Variants in THNSL1 observed in about 807,000 individuals in gnomAD.
The protein encoded by THNSL1 is threonine synthase like 1.
Under a neutral mutation model 50.4 loss-of-function variants are expected in THNSL1, and 48 were observed. The observed-to-expected ratio is 0.95, with a 90% CI of 0.76 to 1.21. THNSL1 has a LOEUF of 1.21. Among genes scored for constraint, THNSL1 ranks in the 50% most tolerant of loss-of-function variants. The pLI is 0.00. For missense variants in THNSL1, 896 were observed against 871.7 expected (o/e 1.03, Z -0.35); for synonymous variants, 309 against 306.1 (o/e 1.01, Z -0.10).
At chr10:24,966,397 AC>A in the THNSL1 span, among the ~76,000 whole-genome samples, 2 of 152,116 alleles carry the variant, frequency 1.3e-5, no homozygotes, top group African/African-American at 4.8e-5. Context: ...AGACCACAAC[AC>A]CCTCTTGCTT....
chr10:25,004,860 C>A, the THNSL1 span, among the ~76,000 whole-genome samples: 1 of 152,130 alleles, frequency 6.6e-6, no homozygotes, highest in Non-Finnish European at 1.5e-5. Flanking sequence ...AATGGTATTG[C>A]CTAGGTTGTC....
chr10:25,012,004 T>C (rs1358621245), upstream of THNSL1, among the ~76,000 whole-genome samples: 1 of 152,206 alleles, frequency 6.6e-6, no homozygotes. Context: ...CTTGCTGCTT[T>C]GTGCAATCTT....
chr10:25,014,555 T>C (rs1006753002), upstream of THNSL1, among the ~76,000 whole-genome samples: 8 of 152,158 alleles, frequency 5.3e-5, no homozygotes, highest in Middle Eastern at 6.3e-3. Context: ...GTAAAGCTTT[T>C]TAATTTGCCA....
the THNSL1 span, among the ~76,000 whole-genome samples, chr10:24,955,684 C>T: frequency 1.3e-5 from 2 of 152,154 alleles, no homozygotes; most frequent in African/African-American, 2.4e-5. Context: ...ATGGCTCACA[C>T]CTGTAATACC....
the THNSL1 span, among the ~76,000 whole-genome samples, chr10:25,009,406 T>C: frequency 6.6e-6 from 1 of 152,266 alleles, no homozygotes; most frequent in African/African-American, 2.4e-5. Context: ...TGAAAATCAA[T>C]TAAAAAATAA....
chr10:24,972,522 A>AATAAT, the THNSL1 span, among the ~76,000 whole-genome samples: 1,708 of 150,122 alleles, frequency 0.011, 21 homozygotes, highest in African/African-American at 0.029. Context: ...AAAAAAAAAT[A>AATAAT]AATAATAATA....
the THNSL1 span, among the ~76,000 whole-genome samples, chr10:24,990,035 G>A: frequency 6.6e-5 from 10 of 152,058 alleles, no homozygotes; most frequent in Admixed American, 3.3e-4. Flanking sequence ...TGCCTTATAG[G>A]AAAGGAAAAA....
intron 1 of THNSL1, among the ~76,000 whole-genome samples, chr10:25,019,608 A>T (rs1850677992): frequency 6.6e-6 from 1 of 152,264 alleles, no homozygotes; most frequent in African/African-American, 2.4e-5. Context: ...TAAGGTATAC[A>T]GGAGGATGTG....
chr10:24,999,160 G>C, the THNSL1 span, among the ~76,000 whole-genome samples: 1 of 152,180 alleles, frequency 6.6e-6, no homozygotes, highest in East Asian at 1.9e-4. Flanking sequence ...AGATGGTGAT[G>C]CATGTGGGCT....
chr10:24,990,372 G>A, the THNSL1 span: 5 of 1,471,244 alleles, frequency 3.4e-6, no homozygotes, highest in Non-Finnish European at 4.6e-6. Context: ...CAAAATCCAA[G>A]TGCTGACTTT....
upstream of THNSL1, chr10:25,016,049 G>A: frequency 2.7e-6 from 4 of 1,457,244 alleles, no homozygotes; most frequent in Non-Finnish European, 3.6e-6. Context: ...CCTTCTGAAG[G>A]ACCACAGGTT....
chr10:25,009,400 A>T, the THNSL1 span, among the ~76,000 whole-genome samples: 1 of 152,354 alleles, frequency 6.6e-6, no homozygotes, highest in East Asian at 1.9e-4. Flanking sequence ...CACAAATGAA[A>T]ATCAATTAAA....
At chr10:25,012,927 T>C (rs1415288872), upstream of THNSL1, among the ~76,000 whole-genome samples, 1 of 152,118 alleles carries the variant, frequency 6.6e-6, no homozygotes, top group African/African-American at 2.4e-5. Flanking sequence ...TCACATTAAA[T>C]TGATGAGATC....
chr10:24,971,548 C>G, the THNSL1 span, among the ~76,000 whole-genome samples: 1 of 152,218 alleles, frequency 6.6e-6, no homozygotes, highest in Non-Finnish European at 1.5e-5. Context: ...ACAAATGTGA[C>G]ATACCACTGT....
chr10:25,013,217 T>G (rs1383896133), upstream of THNSL1, among the ~76,000 whole-genome samples: 1 of 152,252 alleles, frequency 6.6e-6, no homozygotes, highest in Admixed American at 6.5e-5. Flanking sequence ...GTCTCGAGTA[T>G]GTCTTTATTA....
chr10:25,019,301 C>T (rs896206124), intron 1 of THNSL1, among the ~76,000 whole-genome samples: 2 of 152,128 alleles, frequency 1.3e-5, no homozygotes, highest in African/African-American at 4.8e-5. Flanking sequence ...TGGCGAAACC[C>T]CCTCTCTACT....
chr10:24,952,880 GC>G, the THNSL1 span, among the ~76,000 whole-genome samples: 5 of 151,836 alleles, frequency 3.3e-5, no homozygotes, highest in African/African-American at 7.2e-5. The surrounding 1 kb of genome is among the most constrained non-coding windows in gnomAD (Gnocchi z 5.1). Context: ...TGTCGCCGCC[GC>G]CCCCTGCCGG....
chr10:24,974,753 CTTAGAAAAAACAGACTT>C, the THNSL1 span, among the ~76,000 whole-genome samples: 5,567 of 152,148 alleles, frequency 0.037, 137 homozygotes, highest in Non-Finnish European at 0.058. Context: ...ATAAAATATT[CTTAGAAAAAACAGACTT>C]TCAGGATTTA....
the THNSL1 span, among the ~76,000 whole-genome samples, chr10:24,988,688 A>G: frequency 0.012 from 363 of 29,146 alleles, 21 homozygotes; most frequent in African/African-American, 0.065. Flanking sequence ...ATATATATAT[A>G]TATATATATA....
Sources: gnomAD v4.1 joint callset for allele counts (sites outside exome capture counted in the v4.1 genomes callset) on GRCh38, gnomAD v4.1.1 for gene constraint, Gnocchi (gnomAD v3.1) non-coding constraint, MANE v1.5 for transcripts, NCBI Gene and HGNC (gene_info 2026-07-23, HGNC 2026-07-21) for gene names.